ATG2B: variants seen among roughly 807,000 people sequenced by gnomAD.
ATG2B encodes the protein autophagy-related protein 2 homolog B.
ATG2B carries 121 observed loss-of-function variants against 241.3 expected under a neutral mutation model. That is an observed-to-expected ratio of 0.50 (90% CI 0.43 to 0.58). The LOEUF is 0.58. ATG2B is among the 20% of genes least tolerant of loss of function. The pLI is 0.00. For missense variants in ATG2B, 2,306 were observed against 2,491.6 expected, an observed-to-expected ratio of 0.93 and a Z score of 1.59; for synonymous variants, 858 against 876.6, an observed-to-expected ratio of 0.98 and a Z score of 0.37.
chr14:96,318,083 A>G (rs746589255), intron 18 of ATG2B, among the ~76,000 whole-genome samples: 7 of 152,262 alleles, frequency 4.6e-5, no homozygotes, highest in Non-Finnish European at 1.0e-4. Context: ...AAGAATCTGC[A>G]CAATTAGATA....
intron 20 of ATG2B, 97 bp from the exon 21 acceptor site, chr14:96,316,780 A>C: frequency 9.6e-7 from 1 of 1,040,968 alleles, no homozygotes; most frequent in East Asian, 2.5e-5. Flanking sequence ...GCTTAGGAAA[A>C]TCTCCCATAC....
intron 14 of ATG2B, among the ~76,000 whole-genome samples, chr14:96,327,330 A>AT (rs1308811067): frequency 6.6e-6 from 1 of 152,140 alleles, no homozygotes; most frequent in East Asian, 1.9e-4. Context: ...AAAATAAAAT[A>AT]TCTTTTTCCT....
chr14:96,309,498 T>TCTC lies in ATG2B; in HGVS notation c.4255_4257dup (p.Glu1419dup), dbSNP rs762619506. 6 of 1,613,910 alleles carry TCTC rather than the reference T, an allele frequency of 3.7e-6. No individual in the cohort carries two copies. The highest frequency in any genetic ancestry group is 2.5e-6 in the Non-Finnish European group (3 of 1,179,940). On this transcript the variant is annotated inframe_insertion, in exon 29 of 42. Transcript: ENST00000359933. ...GACGAGGTGCCTTGTTGCATGTCGA[T>TCTC]CTCCTCCATAGCATCACTCATCAGA...
At chr14:96,304,661 C>T (rs1886887240) in intron 31 of ATG2B, 58 bp from the exon 32 acceptor site, 5 of 1,267,178 alleles carry the variant, frequency 3.9e-6, no homozygotes, top group Non-Finnish European at 5.6e-6. Context: ...CAAAGAAAGT[C>T]AATGAATGAC....
At chr14:96,335,358 A>T (rs185912703) in intron 6 of ATG2B, among the ~76,000 whole-genome samples, 91 of 152,290 alleles carry the variant, frequency 6.0e-4, no homozygotes, top group Middle Eastern at 3.4e-3. Context: ...TTCTGATTCT[A>T]AAACAAAACA....
At chr14:96,356,942 T>C (rs1888491277) in intron 1 of ATG2B, among the ~76,000 whole-genome samples, 1 of 152,166 alleles carries the variant, frequency 6.6e-6, no homozygotes, top group Non-Finnish European at 1.5e-5. Context: ...GGAAGGTATT[T>C]AATAAATGAT....
At chr14:96,340,070 G>C (rs1277354649) in intron 6 of ATG2B, among the ~76,000 whole-genome samples, 3 of 68,056 alleles carry the variant, frequency 4.4e-5, no homozygotes, top group Non-Finnish European at 1.1e-4. Context: ...TATGCTATAT[G>C]TGATATGATA....
intron 33 of ATG2B, among the ~76,000 whole-genome samples, chr14:96,302,729 TGAAA>T (rs1360375883): frequency 1.3e-5 from 2 of 152,234 alleles, no homozygotes; most frequent in Non-Finnish European, 2.9e-5. Flanking sequence ...TCCAAAGTCC[TGAAA>T]GAATCATTTC....
intron 18 of ATG2B, among the ~76,000 whole-genome samples, chr14:96,319,511 C>G (rs1041143663): frequency 5.3e-5 from 8 of 151,832 alleles, no homozygotes; most frequent in Admixed American, 2.0e-4. Context: ...GCCTGTTGAC[C>G]AAGGCACTAA....
At position 96,325,988 on chromosome 14, in the gene ATG2B, TC is replaced by T. The variant is rs914443262; in HGVS notation, c.2164-67del. ...TAAATGAACATAAATTACACAGTAT[TC>T]AACATTACAATATGTATAATCACTA... On this transcript the variant is annotated intron_variant, in intron 14 of 41. Coordinates refer to ENST00000359933, the MANE Select transcript of ATG2B (RefSeq NM_018036.7). The T allele has an allele frequency of 3.9e-5, 57 of 1,465,748 alleles. No homozygotes were observed. The Middle Eastern group carries it at 1.6e-3, about 41-fold the overall frequency. 90.8% of individuals were successfully genotyped at this position (1,465,748 alleles called of 1,614,324 possible).
At chr14:96,343,400 G>T in intron 4 of ATG2B, 119 bp from the exon 5 acceptor site, 4 of 292,924 alleles carry the variant, frequency 1.4e-5, no homozygotes, top group East Asian at 6.7e-5. Flanking sequence ...AAAACTTAAA[G>T]TATAATAATA....
chr14:96,355,134 TTTAA>T (rs1197830824), intron 1 of ATG2B, among the ~76,000 whole-genome samples: 1 of 152,226 alleles, frequency 6.6e-6, no homozygotes, highest in African/African-American at 2.4e-5. Context: ...GCAGAAGCTC[TTTAA>T]TTAGATAACC....
chr14:96,318,516 CT>C (rs1462090732), intron 18 of ATG2B, among the ~76,000 whole-genome samples: 11 of 152,060 alleles, frequency 7.2e-5, no homozygotes, highest in African/African-American at 2.7e-4. Context: ...CTAGAAATAC[CT>C]GATTTTTCTC....
At chr14:96,324,914 T>C (rs1292291855) in intron 15 of ATG2B, among the ~76,000 whole-genome samples, 2 of 151,554 alleles carry the variant, frequency 1.3e-5, no homozygotes, top group Non-Finnish European at 2.9e-5. Flanking sequence ...GGTGGGAGTG[T>C]GGTTGCGGAG....
At chr14:96,305,894 T>C in intron 30 of ATG2B, 79 bp from the exon 31 acceptor site, 2 of 1,066,624 alleles carry the variant, frequency 1.9e-6, no homozygotes, top group Non-Finnish European at 2.8e-6. Context: ...TCAAGGGGCA[T>C]TCTTGCTTCT....
chr14:96,311,214 G>A lies in ATG2B; in HGVS notation c.4064C>T (p.Ala1355Val), dbSNP rs757709459. 1.7e-5 allele frequency: 28 copies of A among 1,613,920 alleles called. No homozygotes were observed. Among genetic ancestry groups the A allele is most frequent in the South Asian group, 1.2e-4 (11 of 91,080 alleles). ...AATGTACTGAATGAGATTCATTAAC[G>A]CAGCACAAGAGTCTGAGCACGTTCT... is the stretch of plus-strand genomic sequence containing the variant. ...HIRTCSDSCA[A>V]LMNLIQYIAS... Residue 1355 changes from alanine to valine, a missense_variant, in exon 28 of 42, where the codon GCG (alanine) becomes GTG (valine). This residue lies in a region of ATG2B where 1,927 missense variants were observed against 2,011.2 expected (regional missense o/e 0.96). Transcript: ENST00000359933.
chr14:96,304,045 T>C (rs1257575196), intron 32 of ATG2B, among the ~76,000 whole-genome samples: 1 of 152,224 alleles, frequency 6.6e-6, no homozygotes, highest in African/African-American at 2.4e-5. Context: ...ATTAAATGCG[T>C]GTGATGCCAT....
intron 25 of ATG2B, among the ~76,000 whole-genome samples, 193 bp from the exon 26 acceptor site, chr14:96,312,352 G>A (rs1887182638): frequency 6.6e-6 from 1 of 152,172 alleles, no homozygotes; most frequent in African/African-American, 2.4e-5. Flanking sequence ...TTTAAATGGT[G>A]TAAAGAATTA....
Position 96,320,975 on chromosome 14 carries a change from T to C in ATG2B, c.2879+1137A>G, listed in dbSNP as rs118003114. ...CATTAGGTGCTATTTATAATGTATA[T>C]TATAAAACAAATATAAAAATATAAA... On this transcript the variant is annotated intron_variant, in intron 18 of 41. Coordinates refer to ENST00000359933, the MANE Select transcript of ATG2B (RefSeq NM_018036.7). Among the ~76,000 whole-genome samples the C allele has an allele frequency of 3.9e-3, 586 of 152,194 alleles. 22 individuals are homozygous for C. The South Asian group carries it at 0.058, about 15-fold the overall frequency.
Sources: allele counts gnomAD v4.1 joint callset (sites outside exome capture counted in the v4.1 genomes callset), GRCh38; gene constraint gnomAD v4.1.1; regional missense constraint gnomAD v4.1.1; transcripts MANE v1.5; gene names NCBI Gene and HGNC (gene_info 2026-07-23, HGNC 2026-07-21).